GSDME: variants seen among roughly 807,000 people sequenced by gnomAD.
GSDME encodes the protein gasdermin-E.
In GSDME, 44 loss-of-function variants were observed where a neutral mutation model predicts 47.5. The observed-to-expected ratio is 0.93, with a 90% CI of 0.73 to 1.19. The LOEUF is 1.19. Ranked by LOEUF, GSDME falls within the 50% of genes most tolerant of loss-of-function variation. The pLI is 0.00. For missense variants in GSDME, 663 were observed against 604.2 expected (o/e 1.10, Z -1.02); for synonymous variants, 258 against 252.8 (o/e 1.02, Z -0.20).
chr7:24,761,710 T>A (rs1360476048), upstream of GSDME, among the ~76,000 whole-genome samples: 1 of 152,198 alleles, frequency 6.6e-6, no homozygotes, highest in Non-Finnish European at 1.5e-5. The surrounding 1 kb of genome is among the most constrained non-coding windows in gnomAD (Gnocchi z 4.4). Flanking sequence ...TGTGGCCTCT[T>A]CATCATGGTG....
the GSDME span, among the ~76,000 whole-genome samples, chr7:24,772,622 C>T: frequency 6.6e-6 from 1 of 152,188 alleles, no homozygotes; most frequent in African/African-American, 2.4e-5. This position sits in a 1 kb window ranked among gnomAD's most constrained non-coding sequence, Gnocchi z 4.5. Context: ...TAGTACCTGG[C>T]ATGCATTTGG....
rs3038356 is a variant in GSDME, at chr7:24,744,923, C to CGTGTGT, written c.212-175_212-170dup. 0.011 allele frequency among the ~76,000 whole-genome samples: 1,551 copies of CGTGTGT among 140,186 alleles called. 21 individuals carry two copies. Among genetic ancestry groups the CGTGTGT allele is most frequent in the Non-Finnish European group, 0.015 (968 of 65,060 alleles). The allele number at this position is 140,186 out of a possible 152,430, so 92.0% of individuals were successfully genotyped here. On this transcript the variant is annotated intron_variant, in intron 2 of 9. Coordinates refer to ENST00000645220, the MANE Select transcript of GSDME (RefSeq NM_001127453.2). This position sits in a 1 kb window ranked among gnomAD's most constrained non-coding sequence, Gnocchi z 4.5. Reference sequence around the variant, plus strand: ...GTGTGGGCAAGAAAACAGGGCAGCACGTGTGTGTGTGTGTGTGTGTGTGTG... The same window carrying CGTGTGT: ...GTGTGGGCAAGAAAACAGGGCAGCACGTGTGTGTGTGTGTGTGTGTGTGTGTGTGTG...
the GSDME span, among the ~76,000 whole-genome samples, chr7:24,784,685 G>A: frequency 0.1 from 13,614 of 131,510 alleles, 804 homozygotes; most frequent in Admixed American, 0.14. Flanking sequence ...TCAGCCTCCC[G>A]AGTAGCTGGG....
chr7:24,710,267 A>G lies in GSDME; in HGVS notation c.819T>C (p.His273=), dbSNP rs2128049863. 3 of 1,614,216 alleles carry G rather than the reference A, an allele frequency of 1.9e-6. No homozygotes were observed. The highest frequency in any genetic ancestry group is 2.2e-5 in the East Asian group (1 of 44,888). Residue 273 remains histidine (H), a synonymous_variant, in exon 6 of 10, where the codon CAT becomes CAC. Transcript: ENST00000645220. ...ATGGTCCATCCTGGGAAGATATCCC[A>G]TGCGCAGCATCTGGCATGTCTATGA... ...FAFIDMPDAA[H]GISSQDGPLS...
intron 3 of GSDME, among the ~76,000 whole-genome samples, chr7:24,731,104 T>A (rs564420084): frequency 2.8e-3 from 434 of 152,318 alleles, no homozygotes; most frequent in Non-Finnish European, 5.0e-3. Flanking sequence ...AAGACATCTT[T>A]TAAAAAGAGT....
chr7:24,734,680 T>C (rs80012185), intron 3 of GSDME, among the ~76,000 whole-genome samples: 15,446 of 152,182 alleles, frequency 0.1, 881 homozygotes, highest in Admixed American at 0.15. Context: ...GTCTCTTAAA[T>C]AGCAGAATTG....
At chr7:24,773,753 C>T in the GSDME span, among the ~76,000 whole-genome samples, 1 of 152,192 alleles carries the variant, frequency 6.6e-6, no homozygotes, top group Admixed American at 6.5e-5. This position sits in a 1 kb window ranked among gnomAD's most constrained non-coding sequence, Gnocchi z 5.4. Context: ...TGAAAGAATT[C>T]TCTCTAGAAT....
chr7:24,701,205 G>C (rs1057059397), intron 9 of GSDME, among the ~76,000 whole-genome samples: 1 of 152,232 alleles, frequency 6.6e-6, no homozygotes, highest in Non-Finnish European at 1.5e-5. Flanking sequence ...ACACCTCGAT[G>C]TCTTAAATAG....
At chr7:24,775,739 G>A in the GSDME span, among the ~76,000 whole-genome samples, 1 of 151,960 alleles carries the variant, frequency 6.6e-6, no homozygotes. Context: ...GCTGGGCGTG[G>A]TGGCGGGCAC....
rs1562684440 is a variant in GSDME at position 24,702,767 on chromosome 7, C to T, written c.1250G>A (p.Cys417Tyr). The T allele has an allele frequency of 6.2e-7, 1 of 1,613,158 alleles. No homozygotes were observed. The highest frequency in any genetic ancestry group is 1.1e-5 in the South Asian group (1 of 91,024). Residue 417 changes from cysteine (C) to tyrosine (Y), a missense_variant, in exon 9 of 10, where the codon TGC (cysteine) becomes TAC (tyrosine). Physicochemically the swap from Cys to Tyr is radical, Grantham distance 194. Transcript: ENST00000645220. ...CCKLQIIPTL[C>Y]HLLRALSDDG... ...ACCTGGGAGGTTGCTTACCAAGTGG[C>T]ACAGTGTGGGAATGATCTGGAGTTT...
At chr7:24,717,860 G>C (rs1315147149) in intron 4 of GSDME, among the ~76,000 whole-genome samples, 1 of 152,216 alleles carries the variant, frequency 6.6e-6, no homozygotes, top group Non-Finnish European at 1.5e-5. Flanking sequence ...AGTGGGAAGA[G>C]GCCGGAGGGA....
intron 1 of GSDME, among the ~76,000 whole-genome samples, chr7:24,750,429 C>T (rs890746511): frequency 3.9e-5 from 6 of 152,112 alleles, no homozygotes; most frequent in African/African-American, 1.4e-4. Flanking sequence ...CCAGCCTGGG[C>T]AACATAGCAA....
Position 24,706,279 on chromosome 7 carries a change from A to G in GSDME, c.1088T>C (p.Val363Ala). ...ACACCCACCCTGTAAGCTGCACCCC[A>G]CCAGCTGCAGGAAGGCCACAAGGTC... ...QQDLVAFLQLVGCSLQGGCPG... is the reference protein window; with the variant it reads ...QQDLVAFLQLAGCSLQGGCPG... The change falls in exon 8 of 10, where the codon GTG (valine) becomes GCG (alanine). Residue 363 changes from valine (V) to alanine (A), a missense_variant. Physicochemically the swap from Val to Ala is moderately conservative, Grantham distance 64. Transcript: ENST00000645220. 1 of 1,613,950 alleles carries G rather than the reference A, an allele frequency of 6.2e-7. No homozygotes were observed. The highest frequency in any genetic ancestry group is 1.1e-5 in the South Asian group (1 of 91,066).
In GSDME at chr7:24,708,220, A is replaced by T; in HGVS notation, c.897T>A (p.Phe299Leu). The T allele has an allele frequency of 6.2e-7, 1 of 1,614,172 alleles. No homozygotes were observed. Among genetic ancestry groups the T allele is most frequent in the Non-Finnish European group, 8.5e-7 (1 of 1,180,014 alleles). Reference sequence around the variant, plus strand: ...TCTGTTGTGGCTCAGGCAGCTCCGCAAATGGATGGAAATTCCTCTCCAGGA... The same window carrying T: ...TCTGTTGTGGCTCAGGCAGCTCCGCTAATGGATGGAAATTCCTCTCCAGGA... ...TLLLERNFHP[F>L]AELPEPQQTA... The change falls in exon 7 of 10, where the codon TTT becomes TTA. Residue 299 changes from phenylalanine (F) to leucine (L), a missense_variant. Physicochemically the swap from Phe to Leu is conservative, Grantham distance 22. Transcript: ENST00000645220.
chr7:24,740,875 A>T (rs899863409), intron 3 of GSDME, among the ~76,000 whole-genome samples: 1 of 152,188 alleles, frequency 6.6e-6, no homozygotes, highest in African/African-American at 2.4e-5. Context: ...ATGAAGAATA[A>T]AAGTGGGATA....
chr7:24,794,383 C>G, the GSDME span, among the ~76,000 whole-genome samples: 4 of 152,082 alleles, frequency 2.6e-5, no homozygotes, highest in African/African-American at 9.7e-5. Context: ...TCTCCTTCCT[C>G]TTCCCCTAGG....
In GSDME at chr7:24,733,834, C is replaced by T. The variant is rs1790219183; in HGVS notation, c.404+10728G>A. Among the ~76,000 whole-genome samples, 1 of 152,228 alleles carries T rather than the reference C, an allele frequency of 6.6e-6. No homozygotes were observed. Among genetic ancestry groups the T allele is most frequent in the South Asian group, 2.1e-4 (1 of 4,832 alleles). On this transcript the variant is annotated intron_variant, in intron 3 of 9. Coordinates refer to ENST00000645220, the MANE Select transcript of GSDME (RefSeq NM_001127453.2). This position sits in a 1 kb window ranked among gnomAD's most constrained non-coding sequence, Gnocchi z 4.3. The stretch of plus-strand genomic sequence containing the variant: ...CTCCTGGACAGCATCTCTGGACCCA[C>T]CTGGGGCCCCAGGGAAATCACCTCA...
In GSDME at chr7:24,710,190, C is replaced by T. The variant is rs1474691821; in HGVS notation, c.862+34G>A. ...TGGGATACAGGGCTCAGTTGGCCCT[C>T]AACTGCCCACTACTCCTGCCCTGCT... is the stretch of plus-strand genomic sequence containing the variant. On this transcript the variant is annotated intron_variant, in intron 6 of 9. Coordinates refer to ENST00000645220, the MANE Select transcript of GSDME (RefSeq NM_001127453.2). 6.8e-6 allele frequency: 11 copies of T among 1,611,016 alleles called. No individual in the cohort carries two copies. In the East Asian group the frequency reaches 2.5e-4, roughly 36 times the overall value.
chr7:24,759,624 CAG>C (rs137890983), upstream of GSDME, among the ~76,000 whole-genome samples: 1 of 152,308 alleles, frequency 6.6e-6, no homozygotes, highest in East Asian at 1.9e-4. Context: ...TGGGAAGAGA[CAG>C]AGCCAAGATT....
Sources: gnomAD v4.1 joint callset for allele counts (sites outside exome capture counted in the v4.1 genomes callset) on GRCh38, gnomAD v4.1.1 for gene constraint, Gnocchi (gnomAD v3.1) non-coding constraint, MANE v1.5 for transcripts, NCBI Gene and HGNC (gene_info 2026-07-23, HGNC 2026-07-21) for gene names.